Variants in PCDHA7 observed in about 807,000 individuals in gnomAD.
PCDHA7 encodes protocadherin alpha 7.
PCDHA7 carries 37 observed loss-of-function variants against 57.2 expected under a neutral mutation model. That is an observed-to-expected ratio of 0.65 (90% CI 0.50 to 0.85). PCDHA7 has a LOEUF of 0.85. Ranked by LOEUF, PCDHA7 falls within the 40% of genes least tolerant of loss-of-function variation. The pLI is 0.00. For missense variants in PCDHA7, 1,188 were observed against 1,241.8 expected (o/e 0.96, Z 0.65); for synonymous variants, 553 against 558.8 (o/e 0.99, Z 0.15).
intron 1 of PCDHA7, among the ~76,000 whole-genome samples, chr5:140,946,635 A>G (rs2094003182): frequency 1.6e-5 from 1 of 62,812 alleles, no homozygotes; most frequent in Admixed American, 1.5e-4. Flanking sequence ...TATATATACA[A>G]TGGAATACTC....
chr5:140,967,228 G>A (rs1316363900), intron 1 of PCDHA7: 3 of 1,613,652 alleles, frequency 1.9e-6, no homozygotes, highest in Non-Finnish European at 2.5e-6. Flanking sequence ...CCAACTACCA[G>A]CTTCAGGTAA....
At chr5:140,870,139 T>C in intron 1 of PCDHA7, 1 of 1,613,992 alleles carries the variant, frequency 6.2e-7, no homozygotes, top group Non-Finnish European at 8.5e-7. Flanking sequence ...CAACGATAAC[T>C]CTCCTGAAGT....
At chr5:140,842,672 A>G in intron 1 of PCDHA7, 2 of 1,595,340 alleles carry the variant, frequency 1.3e-6, no homozygotes, top group Non-Finnish European at 1.7e-6. Flanking sequence ...CGTGAACGAC[A>G]ATGCTCCGGC....
In PCDHA7 at chr5:140,836,597, T is replaced by A. The variant is rs2150265046; in HGVS notation, c.2214T>A (p.Thr738=). Residue 738 remains threonine (T), a synonymous_variant, in exon 1 of 4, where the codon ACT becomes ACA. Transcript: ENST00000525929. ...GCGCATGTAGTTTGGTAAAGCCCAC[T>A]CTGGTGTGCTCCAGCGCGGTGGGGA... ...SEGACSLVKP[T]LVCSSAVGSW... is the part of the protein sequence containing the mutation. 6.2e-7 allele frequency: 1 copy of A among 1,613,676 alleles called. No individual in the cohort carries two copies. Among genetic ancestry groups the A allele is most frequent in the Admixed American group, 1.7e-5 (1 of 59,996 alleles).
At position 140,842,903 on chromosome 5, in the gene PCDHA7, C is replaced by G. The variant is rs2150347593; in HGVS notation, c.2355+6165C>G. The G allele has an allele frequency of 1.9e-5, 31 of 1,594,262 alleles. 5 individuals carry two copies. Among genetic ancestry groups the G allele is most frequent in the African/African-American group, 2.7e-5 (2 of 74,310 alleles). ...GCTGCAGCCGCTGGACCACGAGGAG[C>G]TAGAGCTGCTGCAGTTCCAGGTGAG... On this transcript the variant is annotated intron_variant, in intron 1 of 3. Coordinates refer to ENST00000525929, the MANE Select transcript of PCDHA7 (RefSeq NM_018910.3).
intron 1 of PCDHA7, among the ~76,000 whole-genome samples, chr5:140,972,662 T>A (rs1188844189): frequency 1.5e-4 from 8 of 54,766 alleles, no homozygotes; most frequent in African/African-American, 8.1e-4. Context: ...GAAACCAAAT[T>A]TTTTTTTTTT....
chr5:140,843,381 T>G lies in PCDHA7; in HGVS notation c.2355+6643T>G, dbSNP rs2150358739. The G allele has an allele frequency of 6.3e-6, 10 of 1,595,976 alleles. 2 individuals carry two copies. The African/African-American group carries it at 1.2e-4, about 19-fold the overall frequency. On this transcript the variant is annotated intron_variant, in intron 1 of 3. Coordinates refer to ENST00000525929, the MANE Select transcript of PCDHA7 (RefSeq NM_018910.3). ...TCATCGAGGCAGTCGGCTGGCGTTT[T>G]GGGTCCGGAAGCGGCGCTGGTGGAT...
At position 140,855,941 on chromosome 5, in the gene PCDHA7, C is replaced by G; in HGVS notation, c.2355+19203C>G. Reference sequence around the variant, plus strand: ...AGGAAGTAGCGTCATTCTGAGATCTCAGCCATTTCGATAAAAAATAGATAT... The same window carrying G: ...AGGAAGTAGCGTCATTCTGAGATCTGAGCCATTTCGATAAAAAATAGATAT... On this transcript the variant is annotated intron_variant, in intron 1 of 3. Transcript: ENST00000525929. The G allele has an allele frequency of 3.0e-6, 4 of 1,328,222 alleles. 1 individual carries two copies. The highest frequency in any genetic ancestry group is 4.1e-6 in the Non-Finnish European group (4 of 966,976). The allele number at this position is 1,328,222 out of a possible 1,614,324, so 82.3% of individuals were successfully genotyped here.
rs2150360169 is a variant in PCDHA7 at position 140,843,445 on chromosome 5, C to T, written c.2355+6707C>T. The T allele has an allele frequency of 2.5e-6, 4 of 1,596,040 alleles. 1 individual carries two copies. The highest frequency in any genetic ancestry group is 1.7e-6 in the Non-Finnish European group (2 of 1,165,674). Reference sequence around the variant, plus strand: ...TGATCATCGCCATCTGCGCGGTATCCAGCCTGCTGGTGCTCACGCTGCTGC... The same window carrying T: ...TGATCATCGCCATCTGCGCGGTATCTAGCCTGCTGGTGCTCACGCTGCTGC... On this transcript the variant is annotated intron_variant, in intron 1 of 3. Coordinates refer to ENST00000525929, the MANE Select transcript of PCDHA7 (RefSeq NM_018910.3).
At chr5:140,976,566 A>C (rs2096723160) in intron 1 of PCDHA7, among the ~76,000 whole-genome samples, 2 of 152,098 alleles carry the variant, frequency 1.3e-5, no homozygotes, top group African/African-American at 4.8e-5. Flanking sequence ...TAAATAAATA[A>C]ATATAAATAA....
At chr5:140,883,760 C>A in intron 1 of PCDHA7, 1 of 1,612,790 alleles carries the variant, frequency 6.2e-7, no homozygotes, top group Non-Finnish European at 8.5e-7. Flanking sequence ...GGTGGAGCGG[C>A]GGGTGGGCGA....
chr5:140,993,462 T>TCTCACACACACA (rs1235362335), intron 3 of PCDHA7, among the ~76,000 whole-genome samples: 1 of 140,938 alleles, frequency 7.1e-6, no homozygotes, highest in African/African-American at 2.6e-5. Context: ...TCTTTCTTTC[T>TCTCACACACACA]CACACACACA....
chr5:140,858,506 A>C (rs1581511575), intron 1 of PCDHA7: 1 of 1,447,272 alleles, frequency 6.9e-7, no homozygotes, highest in Non-Finnish European at 9.5e-7. Context: ...CATTTTCTCA[A>C]ATATGTATCA....
At chr5:141,005,192 TTTCA>T (rs1554259924) in intron 3 of PCDHA7, among the ~76,000 whole-genome samples, 1 of 152,220 alleles carries the variant, frequency 6.6e-6, no homozygotes, top group African/African-American at 2.4e-5. Context: ...ACATCAGTCC[TTTCA>T]TTCATTCATC....
intron 1 of PCDHA7, among the ~76,000 whole-genome samples, chr5:140,958,822 A>G (rs1554223658): frequency 6.6e-6 from 1 of 152,146 alleles, no homozygotes; most frequent in Non-Finnish European, 1.5e-5. Context: ...TTTAATTTTT[A>G]TATCTTAAAG....
chr5:140,907,364 C>T (rs1042794275), intron 1 of PCDHA7, among the ~76,000 whole-genome samples: 5 of 152,122 alleles, frequency 3.3e-5, no homozygotes, highest in East Asian at 1.9e-4. Context: ...CTTCTTTAGT[C>T]GTAAAGTGAG....
chr5:140,860,428 T>C (rs1198179293), intron 1 of PCDHA7: 11 of 152,026 alleles, frequency 7.2e-5, no homozygotes, highest in Admixed American at 6.5e-4. Flanking sequence ...ATCCTGCAAA[T>C]ATGATCTTTT....
At chr5:140,871,293 G>T (rs1206433527) in intron 1 of PCDHA7, 5 of 1,613,794 alleles carry the variant, frequency 3.1e-6, no homozygotes, top group Admixed American at 1.7e-5. Flanking sequence ...CTGAGGGCGC[G>T]TGCGCGCCGG....
intron 1 of PCDHA7, among the ~76,000 whole-genome samples, chr5:140,846,947 G>T (rs772178263): frequency 6.7e-6 from 1 of 149,632 alleles, no homozygotes; most frequent in African/African-American, 2.4e-5. Flanking sequence ...ACTTGAAGGG[G>T]CATGGTGTGT....
Sources: gnomAD v4.1 joint callset for allele counts (sites outside exome capture counted in the v4.1 genomes callset) on GRCh38, gnomAD v4.1.1 for gene constraint, MANE v1.5 for transcripts, NCBI Gene and HGNC (gene_info 2026-07-23, HGNC 2026-07-21) for gene names.